Variants in PRKCB observed in about 807,000 individuals in gnomAD.
The protein encoded by PRKCB is protein kinase C beta.
Under a neutral mutation model 81.5 loss-of-function variants are expected in PRKCB, and 13 were observed. The observed-to-expected ratio is 0.16, with a 90% CI of 0.10 to 0.25. The LOEUF (loss-of-function observed/expected upper bound fraction) is 0.25, where lower values mean the gene tolerates loss of function less well. Ranked by LOEUF, PRKCB falls within the 10% of genes least tolerant of loss-of-function variation. PRKCB has a pLI of 1.00. For missense variants in PRKCB, 509 were observed against 875.7 expected (o/e 0.58, Z 5.29); for synonymous variants, 335 against 321.4 (o/e 1.04, Z -0.45).
intron 2 of PRKCB, among the ~76,000 whole-genome samples, chr16:23,975,894 AG>A (rs1295707363): frequency 6.6e-6 from 1 of 152,220 alleles, no homozygotes; most frequent in Non-Finnish European, 1.5e-5. Context: ...GTTTAGGAAA[AG>A]AGGCATTTAT....
At chr16:24,119,033 T>G (rs1178935309) in intron 8 of PRKCB, among the ~76,000 whole-genome samples, 1 of 152,064 alleles carries the variant, frequency 6.6e-6, no homozygotes, top group Middle Eastern at 3.2e-3. Flanking sequence ...GGATCTGGGT[T>G]TTCATATCTC....
intron 2 of PRKCB, chr16:23,869,268 G>C: frequency 2.9e-6 from 1 of 342,572 alleles, no homozygotes; most frequent in Non-Finnish European, 6.1e-6. Context: ...AGAAAGGGCT[G>C]TTGCCTCAGC....
rs549927477 is a variant in PRKCB, at chr16:23,871,447, GTCTCTCTTCCCCAGGA to G, written c.205+34044_205+34059del. 3.2e-4 allele frequency among the ~76,000 whole-genome samples: 48 copies of G among 152,236 alleles called. No individual in the cohort carries two copies. The East Asian group carries it at 8.3e-3, about 26-fold the overall frequency. ...CTCGTTCCTGCCCCTGTCCCCCTCTGTCTCTCTTCCCCAGGATCATGGCATTAGTCGGATCCTTCCC... is the reference window on the plus strand; with the variant it reads ...CTCGTTCCTGCCCCTGTCCCCCTCTGTCATGGCATTAGTCGGATCCTTCCC... On this transcript the variant is annotated intron_variant, in intron 2 of 16. Coordinates refer to ENST00000643927, the MANE Select transcript of PRKCB (RefSeq NM_002738.7).
Position 24,035,502 on chromosome 16 carries a change from A to G in PRKCB, c.484A>G (p.Ile162Val). 6.2e-7 allele frequency: 1 copy of G among 1,614,134 alleles called. No individual in the cohort carries two copies. The highest frequency in any genetic ancestry group is 1.1e-5 in the South Asian group (1 of 91,086). The change falls in exon 5 of 17, where the codon ATC (isoleucine) becomes GTC (valine). Residue 162 changes from isoleucine to valine, a missense_variant. Physicochemically the swap from Ile to Val is conservative, Grantham distance 29 (BLOSUM62 3). Transcript: ENST00000643927. ...GGACCACACGGAGCGCCGCGGCCGC[A>G]TCTACATCCAGGCCCACATCGACAG... is the stretch of plus-strand genomic sequence containing the variant. Reference protein sequence around the residue: ...GTDHTERRGRIYIQAHIDRDV... With the variant: ...GTDHTERRGRVYIQAHIDRDV...
chr16:23,845,763 C>G (rs1440967215), intron 2 of PRKCB, among the ~76,000 whole-genome samples: 2 of 152,164 alleles, frequency 1.3e-5, no homozygotes, highest in Non-Finnish European at 2.9e-5. Context: ...GCTTCTTTCC[C>G]AGTTTGACAG....
At chr16:24,101,409 T>G (rs1188957332) in intron 7 of PRKCB, among the ~76,000 whole-genome samples, 2 of 152,166 alleles carry the variant, frequency 1.3e-5, no homozygotes, top group Non-Finnish European at 2.9e-5. Flanking sequence ...CATGGCGGCA[T>G]GCACCTGTGC....
intron 2 of PRKCB, among the ~76,000 whole-genome samples, chr16:23,891,002 C>CGTGTGT (rs10551727): frequency 0.016 from 2,424 of 147,834 alleles, 59 homozygotes; most frequent in African/African-American, 0.057. Flanking sequence ...ATATATAATG[C>CGTGTGT]GTGTGTGTGT....
chr16:24,084,891 T>C (rs886723484), intron 5 of PRKCB, among the ~76,000 whole-genome samples: 1 of 152,038 alleles, frequency 6.6e-6, no homozygotes, highest in Non-Finnish European at 1.5e-5. Context: ...TTGGAGATCA[T>C]GGGTATATAG....
At chr16:23,886,474 A>T (rs531305917) in intron 2 of PRKCB, among the ~76,000 whole-genome samples, 1 of 129,042 alleles carries the variant, frequency 7.7e-6, no homozygotes, top group Non-Finnish European at 1.5e-5. Context: ...GTGCAATGGC[A>T]TGATCTTGGC....
intron 2 of PRKCB, among the ~76,000 whole-genome samples, chr16:23,884,072 G>A (rs957154083): frequency 1.3e-4 from 20 of 152,268 alleles, no homozygotes; most frequent in African/African-American, 4.8e-4. Context: ...TACACGTACA[G>A]CACATCTCAA....
At chr16:24,076,592 G>A (rs999677865) in intron 5 of PRKCB, among the ~76,000 whole-genome samples, 1 of 152,188 alleles carries the variant, frequency 6.6e-6, no homozygotes, top group African/African-American at 2.4e-5. Flanking sequence ...GGTCTGGGGG[G>A]AGGAGCCTCA....
intron 2 of PRKCB, among the ~76,000 whole-genome samples, chr16:23,986,653 A>T (rs962930143): frequency 2.6e-5 from 4 of 152,168 alleles, no homozygotes; most frequent in Non-Finnish European, 4.4e-5. Context: ...GGAATATAAG[A>T]CTCAGCACAT....
At chr16:24,180,619 CT>C (rs1223673193) in intron 12 of PRKCB, among the ~76,000 whole-genome samples, 170 bp from the exon 13 acceptor site, 2 of 152,172 alleles carry the variant, frequency 1.3e-5, no homozygotes, top group African/African-American at 2.4e-5. Context: ...TTGCGGACCT[CT>C]TTTTATCTCC....
rs927295760 is a variant in PRKCB at position 23,842,554 on chromosome 16, T to A, written c.205+5148T>A. Among the ~76,000 whole-genome samples, 11 of 152,326 alleles carry A rather than the reference T, an allele frequency of 7.2e-5. No individual in the cohort carries two copies. The East Asian group carries it at 2.1e-3, about 29-fold the overall frequency. On this transcript the variant is annotated intron_variant, in intron 2 of 16. Coordinates refer to ENST00000643927, the MANE Select transcript of PRKCB (RefSeq NM_002738.7). ...TTCAGTGTCTGGGCCCAGAAACCCATGCCTGGTTAGCATTGTCTTTTCTTC... is the reference window on the plus strand; with the variant it reads ...TTCAGTGTCTGGGCCCAGAAACCCAAGCCTGGTTAGCATTGTCTTTTCTTC...
At chr16:24,060,343 A>G (rs1965957258) in intron 5 of PRKCB, among the ~76,000 whole-genome samples, 1 of 152,152 alleles carries the variant, frequency 6.6e-6, no homozygotes, top group East Asian at 1.9e-4. Context: ...TTAGTGCATA[A>G]TGAGGGGTTA....
chr16:23,851,274 A>G (rs1214457542), intron 2 of PRKCB, among the ~76,000 whole-genome samples: 1 of 152,188 alleles, frequency 6.6e-6, no homozygotes, highest in Non-Finnish European at 1.5e-5. Context: ...TGTAAGATAA[A>G]GGTCTAATTG....
intron 10 of PRKCB, among the ~76,000 whole-genome samples, chr16:24,165,883 C>CTTTTTTTTTTTTTTT (rs71154285): frequency 1.7e-4 from 16 of 93,998 alleles, no homozygotes; most frequent in Non-Finnish European, 2.4e-4. Flanking sequence ...TTCTTTCTTT[C>CTTTTTTTTTTTTTTT]TTTTTTTTTT....
At chr16:24,080,777 T>C (rs1300120960) in intron 5 of PRKCB, among the ~76,000 whole-genome samples, 1 of 152,100 alleles carries the variant, frequency 6.6e-6, no homozygotes, top group East Asian at 1.9e-4. Flanking sequence ...AATAAGAAAA[T>C]ATTTTGAATT....
chr16:23,936,292 G>A (rs745623455), intron 2 of PRKCB, among the ~76,000 whole-genome samples: 6 of 151,948 alleles, frequency 3.9e-5, no homozygotes, highest in Non-Finnish European at 5.9e-5. Context: ...GTGACTGGCA[G>A]AAGCTCACAT....
Sources: gnomAD v4.1 joint callset for allele counts (sites outside exome capture counted in the v4.1 genomes callset) on GRCh38, gnomAD v4.1.1 for gene constraint, MANE v1.5 for transcripts, NCBI Gene and HGNC (gene_info 2026-07-23, HGNC 2026-07-21) for gene names.